Variants in CAPN2 observed in about 807,000 individuals in gnomAD.
The protein encoded by CAPN2 is calpain 2.
Under a neutral mutation model 102.3 loss-of-function variants are expected in CAPN2, and 92 were observed. The observed-to-expected ratio is 0.90, with a 90% CI of 0.76 to 1.07. The LOEUF (loss-of-function observed/expected upper bound fraction) is 1.07. Ranked by LOEUF, CAPN2 falls within the 50% of genes least tolerant of loss-of-function variation. The pLI, the probability that CAPN2 is intolerant of heterozygous loss-of-function variation, is 0.00. For synonymous variants in CAPN2, 340 were observed against 355.4 expected (o/e 0.96, Z 0.49); for missense variants, 800 against 909.4 (o/e 0.88, Z 1.55).
chr1:223,715,443 AG>A (rs1197657884), intron 1 of CAPN2, among the ~76,000 whole-genome samples: 4 of 152,150 alleles, frequency 2.6e-5, no homozygotes, highest in Non-Finnish European at 4.4e-5. Flanking sequence ...AGATAAAGGC[AG>A]GGAGGGGGCA....
At chr1:223,702,017 AAAGAG>A (rs1267891293) in intron 1 of CAPN2, among the ~76,000 whole-genome samples, 4 of 108,720 alleles carry the variant, frequency 3.7e-5, no homozygotes, top group Non-Finnish European at 7.8e-5. Context: ...AAAAAAAAAA[AAAGAG>A]AGGGAAGGAA....
chr1:223,741,440 G>GTGTA (rs368551264), intron 2 of CAPN2, among the ~76,000 whole-genome samples: 9 of 59,838 alleles, frequency 1.5e-4, no homozygotes, highest in South Asian at 1.1e-3. Flanking sequence ...TATATAATGT[G>GTGTA]TATATATATA....
chr1:223,712,742 G>C lies in CAPN2; in HGVS notation c.102G>C (p.Ala34=). The change falls in exon 1 of 21, where the codon GCG becomes GCC. Residue 34 remains alanine, a synonymous_variant. Transcript: ENST00000295006. Reference sequence around the variant, plus strand: ...AGTACCTCAACCAGGACTACGAGGCGCTGCGGAACGAGTGCCTGGAGGCCG... The same window carrying C: ...AGTACCTCAACCAGGACTACGAGGCCCTGCGGAACGAGTGCCTGGAGGCCG... The part of the protein sequence containing the change: ...AIKYLNQDYE[A]LRNECLEAGT... 6.3e-7 allele frequency: 1 copy of C among 1,586,724 alleles called. No homozygotes were observed. The highest frequency in any genetic ancestry group is 8.6e-7 in the Non-Finnish European group (1 of 1,168,488).
At chr1:223,741,557 C>A (rs1466556577) in intron 2 of CAPN2, among the ~76,000 whole-genome samples, 1 of 151,180 alleles carries the variant, frequency 6.6e-6, no homozygotes, top group African/African-American at 2.4e-5. Flanking sequence ...TGGATTCAAG[C>A]GATTCTCCTG....
At chr1:223,741,881 G>C (rs1209303594) in intron 2 of CAPN2, among the ~76,000 whole-genome samples, 1 of 151,596 alleles carries the variant, frequency 6.6e-6, no homozygotes, top group Non-Finnish European at 1.5e-5. Flanking sequence ...GGTTTAAGCA[G>C]TTCTCCTGCC....
At position 223,747,011 on chromosome 1, in the gene CAPN2, A is replaced by C; in HGVS notation, c.575A>C (p.Tyr192Ser). The C allele has an allele frequency of 6.2e-7, 1 of 1,613,764 alleles. No individual in the cohort carries two copies. The highest frequency in any genetic ancestry group is 8.5e-7 in the Non-Finnish European group (1 of 1,179,782). The change falls in exon 5 of 21, where the codon TAT (tyrosine) becomes TCT (serine). Residue 192 changes from tyrosine to serine, a missense_variant. Coordinates refer to ENST00000295006, the MANE Select transcript of CAPN2 (RefSeq NM_001748.5). ...EKAYAKINGC[Y>S]EALSGGATTE... ...CCCTCTTGTAGGATCAACGGATGCT[A>C]TGAAGCGCTATCAGGGGGTGCCACC...
chr1:223,736,693 C>A (rs1371097272), intron 2 of CAPN2, among the ~76,000 whole-genome samples: 1 of 152,194 alleles, frequency 6.6e-6, no homozygotes, highest in African/African-American at 2.4e-5. Context: ...GGGTTCCCTT[C>A]CCCCTGGGTA....
chr1:223,757,553 T>A, intron 11 of CAPN2, 173 bp downstream of exon 11: 1 of 671,912 alleles, frequency 1.5e-6, no homozygotes, highest in Non-Finnish European at 2.6e-6. Context: ...ATCCCACTGG[T>A]CTAAGCTCTG....
In CAPN2 at chr1:223,727,714, G is replaced by A. The variant is rs1660235694; in HGVS notation, c.307+9883G>A. On this transcript the variant is annotated intron_variant, in intron 2 of 20. Transcript: ENST00000295006. This position sits in a 1 kb window ranked among gnomAD's most constrained non-coding sequence, Gnocchi z 4.1. ...TGTAGGAAAGGAGAAAACATTGCATGTACGGGGTCAGGGCAGCATTGCTGG... is the reference window on the plus strand; with the variant it reads ...TGTAGGAAAGGAGAAAACATTGCATATACGGGGTCAGGGCAGCATTGCTGG... 6.6e-6 allele frequency among the ~76,000 whole-genome samples: 1 copy of A among 152,340 alleles called. No individual in the cohort carries two copies. Among genetic ancestry groups the A allele is most frequent in the South Asian group, 2.1e-4 (1 of 4,830 alleles).
chr1:223,774,905 A>C lies in CAPN2; in HGVS notation c.*48A>C, dbSNP rs755447890. On this transcript the variant is annotated 3_prime_UTR_variant, in exon 21 of 21. Coordinates refer to ENST00000295006, the MANE Select transcript of CAPN2 (RefSeq NM_001748.5). ...GACTTCTCATGATGGAAAATCAGCC[A>C]AGGACTAAGCTTCCATAGAAATACA... 6.5e-7 allele frequency: 1 copy of C among 1,536,934 alleles called. No homozygotes were observed. Among genetic ancestry groups the C allele is most frequent in the Admixed American group, 1.7e-5 (1 of 59,520 alleles).
At chr1:223,713,301 C>T (rs1659791305) in intron 1 of CAPN2, among the ~76,000 whole-genome samples, 1 of 152,186 alleles carries the variant, frequency 6.6e-6, no homozygotes, top group African/African-American at 2.4e-5. Flanking sequence ...AGTCCGTCTC[C>T]AACTGGGGTT....
At chr1:223,705,321 G>A (rs967830719) in intron 1 of CAPN2, among the ~76,000 whole-genome samples, 2 of 152,144 alleles carry the variant, frequency 1.3e-5, no homozygotes, top group Admixed American at 6.5e-5. Flanking sequence ...ACTGTACAGG[G>A]GAAACTGGTT....
At chr1:223,751,008 G>C (rs375996912) in intron 7 of CAPN2, 33 bp downstream of exon 7, 32 of 1,509,426 alleles carry the variant, frequency 2.1e-5, no homozygotes, top group Non-Finnish European at 2.6e-5. Context: ...GGCCCCAGGC[G>C]GGGGTGCATT....
chr1:223,723,548 G>C (rs929445245), intron 2 of CAPN2, among the ~76,000 whole-genome samples: 1 of 151,998 alleles, frequency 6.6e-6, no homozygotes, highest in African/African-American at 2.4e-5. Flanking sequence ...GGTTGTAAAT[G>C]CTCTTGCACT....
At chr1:223,770,423 T>C (rs758987050) in intron 17 of CAPN2, 24 bp from the exon 18 acceptor site, 2 of 1,585,100 alleles carry the variant, frequency 1.3e-6, no homozygotes, top group African/African-American at 2.7e-5. Context: ...GTCATAGTTC[T>C]TACAGCTAAC....
At chr1:223,714,597 G>A (rs1158758424) in intron 1 of CAPN2, among the ~76,000 whole-genome samples, 2 of 128,806 alleles carry the variant, frequency 1.6e-5, no homozygotes, top group Non-Finnish European at 3.1e-5. Context: ...GGGCAACACA[G>A]TAAGACTTGT....
At chr1:223,730,405 ATTC>A (rs35268160) in intron 2 of CAPN2, among the ~76,000 whole-genome samples, 117,700 of 151,362 alleles carry the variant, frequency 0.78, 46,980 homozygotes, top group Admixed American at 0.87. Context: ...GCCCAAGACA[ATTC>A]TTCTTCTTCC....
Position 223,759,571 on chromosome 1 carries a change from T to C in CAPN2, c.1529+90T>C. ...GCCCCTAGAGGGCTCTTTCATCCTCTGAATGTCAGTTACTTTTTCTGTAAC... is the reference window on the plus strand; with the variant it reads ...GCCCCTAGAGGGCTCTTTCATCCTCCGAATGTCAGTTACTTTTTCTGTAAC... On this transcript the variant is annotated intron_variant, in intron 12 of 20. Coordinates refer to ENST00000295006, the MANE Select transcript of CAPN2 (RefSeq NM_001748.5). This position sits in a 1 kb window ranked among gnomAD's most constrained non-coding sequence, Gnocchi z 4.6. The C allele has an allele frequency of 9.8e-7, 1 of 1,020,496 alleles. No individual in the cohort carries two copies. Among genetic ancestry groups the C allele is most frequent in the Non-Finnish European group, 1.5e-6 (1 of 684,984 alleles). The allele number at this position is 1,020,496 out of a possible 1,614,324, so 63.2% of individuals were successfully genotyped here. A position where few individuals can be genotyped will look rare whatever the true frequency, so the allele number is the denominator to read the frequency against.
chr1:223,738,496 A>G (rs572827927), intron 2 of CAPN2, among the ~76,000 whole-genome samples: 317 of 152,326 alleles, frequency 2.1e-3, no homozygotes, highest in African/African-American at 7.5e-3. Context: ...TTAGCATTAC[A>G]TTAAGTTTAT....
Sources: gnomAD v4.1 joint callset for allele counts (sites outside exome capture counted in the v4.1 genomes callset) on GRCh38, gnomAD v4.1.1 for gene constraint, Gnocchi (gnomAD v3.1) non-coding constraint, MANE v1.5 for transcripts, NCBI Gene and HGNC (gene_info 2026-07-23, HGNC 2026-07-21) for gene names.